The following PRORP variants were observed in gnomAD, a reference collection of about 807,000 sequenced individuals.
PRORP encodes mitochondrial ribonuclease P catalytic subunit.
A neutral mutation model predicts 59.4 loss-of-function variants in PRORP; 51 were observed. The observed-to-expected ratio is 0.86, with a 90% CI of 0.69 to 1.08. The LOEUF (loss-of-function observed/expected upper bound fraction) is 1.08. Among genes scored for constraint, PRORP ranks in the 50% least tolerant of loss-of-function variants. The probability of loss-of-function intolerance (pLI) is 0.00; values close to 1 mark genes in which losing one functional copy is unlikely to be tolerated. For synonymous variants in PRORP, 231 were observed against 245.6 expected, an observed-to-expected ratio of 0.94 and a Z score of 0.55; for missense variants, 646 against 690.3, an observed-to-expected ratio of 0.94 and a Z score of 0.72.
At chr14:35,153,172 G>A (rs971659742) in intron 4 of PRORP, among the ~76,000 whole-genome samples, 15 of 152,244 alleles carry the variant, frequency 9.9e-5, no homozygotes, top group African/African-American at 2.9e-4. Flanking sequence ...CGGATCACTC[G>A]CGGTTAGGAG....
chr14:35,236,480 GT>G lies in PRORP; in HGVS notation c.1276-30246del, dbSNP rs2050217934. Among the ~76,000 whole-genome samples, 3 of 152,272 alleles carry G rather than the reference GT, an allele frequency of 2.0e-5. No homozygotes were observed. The Middle Eastern group carries it at 0.01, about 518-fold the overall frequency. On this transcript the variant is annotated intron_variant, in intron 5 of 7. Transcript: ENST00000534898. ...CCTAAGCCCACTGAAGTCTGGCTTA[GT>G]CTCCATCATTGCATTGAAAATGCTC... is the stretch of plus-strand genomic sequence containing the variant.
At chr14:35,229,866 G>A (rs1014902204) in intron 5 of PRORP, among the ~76,000 whole-genome samples, 5 of 151,154 alleles carry the variant, frequency 3.3e-5, no homozygotes, top group African/African-American at 9.8e-5. Context: ...TTTCACCATC[G>A]CCTGACCTCC....
At chr14:35,211,751 C>G (rs889157187) in intron 5 of PRORP, among the ~76,000 whole-genome samples, 2 of 152,082 alleles carry the variant, frequency 1.3e-5, no homozygotes, top group African/African-American at 4.8e-5. Context: ...AGGATCTTGG[C>G]CTCAGTGTTG....
intron 4 of PRORP, among the ~76,000 whole-genome samples, chr14:35,167,288 C>A (rs1418442932): frequency 1.3e-5 from 2 of 152,126 alleles, no homozygotes; most frequent in African/African-American, 4.8e-5. Flanking sequence ...GTAAGGAGAC[C>A]ATCACTGTTT....
intron 5 of PRORP, among the ~76,000 whole-genome samples, chr14:35,187,480 G>A (rs2048769672): frequency 6.7e-6 from 1 of 148,444 alleles, no homozygotes; most frequent in African/African-American, 2.5e-5. Flanking sequence ...CTGGAGTGCA[G>A]TGGCATGATC....
intron 5 of PRORP, among the ~76,000 whole-genome samples, chr14:35,187,460 G>A (rs1404171295): frequency 2.9e-5 from 4 of 139,496 alleles, no homozygotes; most frequent in Admixed American, 7.7e-5. Context: ...GAGTCTCACT[G>A]TCACCGAAGC....
chr14:35,245,627 C>A (rs1017394649), intron 5 of PRORP, among the ~76,000 whole-genome samples: 1 of 152,248 alleles, frequency 6.6e-6, no homozygotes, highest in Admixed American at 6.5e-5. Flanking sequence ...GCCTAGGCAA[C>A]AGAATGAGAC....
At chr14:35,181,757 C>G (rs1343981732) in intron 5 of PRORP, among the ~76,000 whole-genome samples, 1 of 138,538 alleles carries the variant, frequency 7.2e-6, no homozygotes, top group Non-Finnish European at 1.5e-5. Context: ...TGCACTCCAG[C>G]CTGGGCAACA....
intron 5 of PRORP, among the ~76,000 whole-genome samples, chr14:35,247,207 G>A (rs73239026): frequency 0.11 from 16,348 of 152,076 alleles, 1,414 homozygotes; most frequent in African/African-American, 0.22. Flanking sequence ...TCTCTATTAT[G>A]TGTCTATCCA....
At chr14:35,149,032 C>G (rs1293598370) in intron 4 of PRORP, among the ~76,000 whole-genome samples, 3 of 147,006 alleles carry the variant, frequency 2.0e-5, no homozygotes, top group Admixed American at 1.4e-4. Flanking sequence ...CATTCTCCTG[C>G]CTCAGCCTCC....
chr14:35,207,868 C>T (rs1175445284), intron 5 of PRORP, among the ~76,000 whole-genome samples: 2 of 152,106 alleles, frequency 1.3e-5, no homozygotes, highest in Admixed American at 1.3e-4. Context: ...TAAGATGTAA[C>T]TGGCCGGGCG....
At chr14:35,149,333 G>T (rs1333184684) in intron 4 of PRORP, among the ~76,000 whole-genome samples, 1 of 151,768 alleles carries the variant, frequency 6.6e-6, no homozygotes, top group Non-Finnish European at 1.5e-5. Context: ...TCCCATCTAG[G>T]CCTCCCAAGT....
chr14:35,125,287 C>T (rs2047071251), intron 2 of PRORP, among the ~76,000 whole-genome samples: 1 of 152,140 alleles, frequency 6.6e-6, no homozygotes, highest in South Asian at 2.1e-4. Context: ...TTGGACCTTT[C>T]TATCATTTGG....
At chr14:35,176,760 C>T (rs147788319) in intron 4 of PRORP, among the ~76,000 whole-genome samples, 8,625 of 152,182 alleles carry the variant, frequency 0.057, 463 homozygotes, top group Admixed American at 0.17. Flanking sequence ...TTGTCCTGGC[C>T]AGAACTTCCA....
At chr14:35,174,214 C>T (rs1039512372) in intron 4 of PRORP, among the ~76,000 whole-genome samples, 1 of 96,492 alleles carries the variant, frequency 1.0e-5, no homozygotes, top group Non-Finnish European at 2.3e-5. Flanking sequence ...TTTAAAACTA[C>T]CAAACCTTCA....
chr14:35,227,025 G>A (rs2049952610), intron 5 of PRORP, among the ~76,000 whole-genome samples: 1 of 150,952 alleles, frequency 6.6e-6, no homozygotes, highest in Non-Finnish European at 1.5e-5. Context: ...GTGAGCCACC[G>A]TGCCTGGCCC....
At chr14:35,254,686 C>T (rs2050704270) in intron 5 of PRORP, among the ~76,000 whole-genome samples, 1 of 152,188 alleles carries the variant, frequency 6.6e-6, no homozygotes, top group Non-Finnish European at 1.5e-5. Flanking sequence ...GCCACCGCGC[C>T]CAGCCCACTC....
chr14:35,198,888 C>T (rs1163053003), intron 5 of PRORP, among the ~76,000 whole-genome samples: 2 of 151,752 alleles, frequency 1.3e-5, no homozygotes, highest in African/African-American at 2.4e-5. Context: ...AAAATTAGGC[C>T]GGGCGTGGTG....
intron 4 of PRORP, among the ~76,000 whole-genome samples, chr14:35,152,405 C>A (rs1176247509): frequency 6.6e-6 from 1 of 152,266 alleles, no homozygotes; most frequent in Non-Finnish European, 1.5e-5. Flanking sequence ...TTCCACAAAA[C>A]CGCCATCATC....
Sources: gnomAD v4.1 joint callset for allele counts (sites outside exome capture counted in the v4.1 genomes callset) on GRCh38, gnomAD v4.1.1 for gene constraint, MANE v1.5 for transcripts, NCBI Gene and HGNC (gene_info 2026-07-23, HGNC 2026-07-21) for gene names.